Variants in CCDC88B observed in about 807,000 individuals in gnomAD.
CCDC88B encodes the protein coiled-coil and HOOK domain protein 88B, also known as coiled-coil domain-containing protein 88B.
In CCDC88B, 138 loss-of-function variants were observed where a neutral mutation model predicts 183.7. The observed-to-expected ratio is 0.75, with a 90% confidence interval of 0.65 to 0.87. The LOEUF (loss-of-function observed/expected upper bound fraction) is 0.87. Ranked by LOEUF, CCDC88B falls within the 40% of genes least tolerant of loss-of-function variation. The probability of loss-of-function intolerance (pLI) is 0.00; values close to 1 mark genes in which losing one functional copy is unlikely to be tolerated. For synonymous variants in CCDC88B, 835 were observed against 867.5 expected, an observed-to-expected ratio of 0.96 and a Z score of 0.66; for missense variants, 1,822 against 1,965.6, an observed-to-expected ratio of 0.93 and a Z score of 1.38.
chr11:64,348,941 A>G (rs1408641400), intron 14 of CCDC88B: 7 of 709,038 alleles, frequency 9.9e-6, no homozygotes, highest in South Asian at 9.0e-5. Context: ...CTCTCACCCG[A>G]CCCACCTCTG....
Position 64,344,984 on chromosome 11 carries a change from G to C in CCDC88B, c.2443G>C (p.Val815Leu), listed in dbSNP as rs1421737121. The change falls in exon 14 of 27, where the codon GTG becomes CTG. Residue 815 changes from valine (V) to leucine (L), a missense_variant. Coordinates refer to ENST00000356786, the MANE Select transcript of CCDC88B (RefSeq NM_032251.6). This position sits in a 1 kb window ranked among gnomAD's most constrained non-coding sequence, Gnocchi z 4.5. Reference sequence around the variant, plus strand: ...TGCGTCCCAGGAACGGGAGGCGCTGGTGGAGGCGCTGGCAGCAGCGGGCCG... The same window carrying C: ...TGCGTCCCAGGAACGGGAGGCGCTGCTGGAGGCGCTGGCAGCAGCGGGCCG... The part of the protein sequence containing the change: ...ESASQEREAL[V>L]EALAAAGRER... 1 of 1,548,306 alleles carries C rather than the reference G, an allele frequency of 6.5e-7. No individual in the cohort carries two copies. The highest frequency in any genetic ancestry group is 1.4e-5 in the African/African-American group (1 of 73,338).
chr11:64,342,771 G>C lies in CCDC88B; in HGVS notation c.1062+91G>C, dbSNP rs560540780. ...ATTGGGTCCCGAGGGCAGAGAGGCA[G>C]GTTCTCTGGAGGGGACAGTCACAGG... On this transcript the variant is annotated intron_variant, in intron 10 of 26. Transcript: ENST00000356786. 5.8e-6 allele frequency: 8 copies of C among 1,387,970 alleles called. No homozygotes were observed. The African/African-American group carries it at 8.9e-5, about 15-fold the overall frequency. 86.0% of individuals were successfully genotyped at this position (1,387,970 alleles called of 1,614,324 possible).
In CCDC88B at chr11:64,343,931, A is replaced by G; in HGVS notation, c.1455+17A>G. ...GGGGGCCAGGTAAGTCCCCTCCCCCAGGGTCCTGGCCGGCCCTTCCCCTAG... is the reference window on the plus strand; with the variant it reads ...GGGGGCCAGGTAAGTCCCCTCCCCCGGGGTCCTGGCCGGCCCTTCCCCTAG... On this transcript the variant is annotated intron_variant, in intron 13 of 26. Coordinates refer to ENST00000356786, the MANE Select transcript of CCDC88B (RefSeq NM_032251.6). 6.3e-7 allele frequency: 1 copy of G among 1,588,412 alleles called. No individual in the cohort carries two copies.
At chr11:64,348,808 G>A (rs994581220) in intron 14 of CCDC88B, 15 of 581,478 alleles carry the variant, frequency 2.6e-5, no homozygotes, top group African/African-American at 1.9e-4. Flanking sequence ...CAGCCCAACC[G>A]CCAAAGGCCA....
chr11:64,342,826 A>G, intron 10 of CCDC88B, 146 bp downstream of exon 10: 1 of 744,476 alleles, frequency 1.3e-6, no homozygotes, highest in African/African-American at 2.3e-5. Context: ...AAATTCAGGG[A>G]GGTGGCGTCT....
In CCDC88B at chr11:64,352,851, A is replaced by T; in HGVS notation, c.3464A>T (p.Glu1155Val). Residue 1155 changes from glutamate (E) to valine (V), a missense_variant, in exon 20 of 27, where the codon GAG (glutamate) becomes GTG (valine). Physicochemically the swap from Glu to Val is moderately radical, Grantham distance 121. Coordinates refer to ENST00000356786, the MANE Select transcript of CCDC88B (RefSeq NM_032251.6). ...GATGGGCATCGGCAGCGGGGCCTGGAGGAGGAGCTGCGGAGGCTTCAGAGC... is the reference window on the plus strand; with the variant it reads ...GATGGGCATCGGCAGCGGGGCCTGGTGGAGGAGCTGCGGAGGCTTCAGAGC... ...MQDGHRQRGL[E>V]EELRRLQSEH... The T allele has an allele frequency of 6.2e-7, 1 of 1,609,900 alleles. No individual in the cohort carries two copies. Among genetic ancestry groups the T allele is most frequent in the Non-Finnish European group, 8.5e-7 (1 of 1,178,788 alleles).
intron 19 of CCDC88B, 87 bp downstream of exon 19, chr11:64,352,473 G>A: frequency 6.9e-7 from 1 of 1,448,722 alleles, no homozygotes; most frequent in Non-Finnish European, 9.1e-7. Flanking sequence ...CTCCCCATCA[G>A]GAAGCACCTC....
rs1030980456 is a variant in CCDC88B, at chr11:64,353,491, G to A, written c.3828G>A (p.Glu1276=). ...ACCACCTGCACCGCGAACAGCGGGA[G>A]TACCTGTGAGTGGGCCGCCTGGGAG... ...SRDHLHREQR[E]YLDQLNALRR... Residue 1276 remains glutamate (E), a synonymous_variant, in exon 22 of 27, where the codon GAG becomes GAA. Coordinates refer to ENST00000356786, the MANE Select transcript of CCDC88B (RefSeq NM_032251.6). The A allele has an allele frequency of 1.9e-6, 3 of 1,610,962 alleles. No homozygotes were observed. The highest frequency in any genetic ancestry group is 2.5e-6 in the Non-Finnish European group (3 of 1,179,546).
In CCDC88B at chr11:64,357,284, C is replaced by G. The variant is rs1565063289; in HGVS notation, c.*190C>G. The G allele has an allele frequency of 2.6e-6, 2 of 756,230 alleles. No homozygotes were observed. The highest frequency in any genetic ancestry group is 4.8e-6 in the Non-Finnish European group (2 of 419,718). 46.8% of individuals were successfully genotyped at this position (756,230 alleles called of 1,614,324 possible). A position where few individuals can be genotyped will look rare whatever the true frequency, so the allele number is the denominator to read the frequency against. On this transcript the variant is annotated 3_prime_UTR_variant, in exon 27 of 27. Coordinates refer to ENST00000356786, the MANE Select transcript of CCDC88B (RefSeq NM_032251.6). ...GATGGAGCTGGGACGAGTGTGTGGA[C>G]AGGGGGGATGGCTGGCCCCCACGAG...
Position 64,341,311 on chromosome 11 carries a change from T to C in CCDC88B, c.430T>C (p.Leu144=). Residue 144 remains leucine, a synonymous_variant, in exon 5 of 27, where the codon TTG becomes CTG. Coordinates refer to ENST00000356786, the MANE Select transcript of CCDC88B (RefSeq NM_032251.6). ...EQLEGVLRLL[L]GASVQCEHRE... ...GCTGGAAGGCGTTCTTCGGCTACTG[T>C]TGGGAGCGTCAGTACAGGTGAGCCG... is the stretch of plus-strand genomic sequence containing the variant. 2 of 1,614,066 alleles carry C rather than the reference T, an allele frequency of 1.2e-6. No homozygotes were observed. Among genetic ancestry groups the C allele is most frequent in the Non-Finnish European group, 8.5e-7 (1 of 1,180,012 alleles).
At chr11:64,340,878 G>T (rs2035812367) in intron 2 of CCDC88B, 29 bp from the exon 3 acceptor site, 1 of 1,536,356 alleles carries the variant, frequency 6.5e-7, no homozygotes, top group Non-Finnish European at 8.8e-7. Flanking sequence ...GACGGGAGGC[G>T]GGTCCTCGAG....
At chr11:64,353,272 G>T (rs768166209) in intron 21 of CCDC88B, 32 bp downstream of exon 21, 1 of 1,569,878 alleles carries the variant, frequency 6.4e-7, no homozygotes, top group Non-Finnish European at 8.6e-7. Flanking sequence ...GGGTATGGGC[G>T]TGTGGTGGGG....
At chr11:64,356,726 A>AG (rs1308375762) in intron 26 of CCDC88B, 2 of 425,294 alleles carry the variant, frequency 4.7e-6, no homozygotes, top group African/African-American at 4.0e-5. Flanking sequence ...AAAGGAGAGC[A>AG]GGGGAGGGGT....
rs1450603800 is a variant in CCDC88B at position 64,345,010 on chromosome 11, G to T, written c.2469G>T (p.Arg823=). ...ALVEALAAAG[R]ERRQWEREGS... is the part of the protein sequence containing the mutation. Reference sequence around the variant, plus strand: ...TGGAGGCGCTGGCAGCAGCGGGCCGGGAGCGGAGGCAGTGGGAGCGTGAGG... The same window carrying T: ...TGGAGGCGCTGGCAGCAGCGGGCCGTGAGCGGAGGCAGTGGGAGCGTGAGG... The change falls in exon 14 of 27, where the codon CGG becomes CGT. Residue 823 remains arginine, a synonymous_variant. Coordinates refer to ENST00000356786, the MANE Select transcript of CCDC88B (RefSeq NM_032251.6). 1 of 1,547,054 alleles carries T rather than the reference G, an allele frequency of 6.5e-7. No homozygotes were observed.
chr11:64,342,775 C>T lies in CCDC88B; in HGVS notation c.1062+95C>T. The stretch of plus-strand genomic sequence containing the variant: ...GGTCCCGAGGGCAGAGAGGCAGGTT[C>T]TCTGGAGGGGACAGTCACAGGTGGA... On this transcript the variant is annotated intron_variant, in intron 10 of 26. Coordinates refer to ENST00000356786, the MANE Select transcript of CCDC88B (RefSeq NM_032251.6). 3.7e-6 allele frequency: 5 copies of T among 1,354,458 alleles called. No individual in the cohort carries two copies. In the South Asian group the frequency reaches 6.1e-5, roughly 16 times the overall value. 83.9% of individuals were successfully genotyped at this position (1,354,458 alleles called of 1,614,324 possible). A position where few individuals can be genotyped will look rare whatever the true frequency, so the allele number is the denominator to read the frequency against.
Position 64,344,134 on chromosome 11 carries a change from C to T in CCDC88B, c.1593C>T (p.Asp531=). The change falls in exon 14 of 27, where the codon GAC becomes GAT. Residue 531 remains aspartate (D), a synonymous_variant. Coordinates refer to ENST00000356786, the MANE Select transcript of CCDC88B (RefSeq NM_032251.6). This position sits in a 1 kb window ranked among gnomAD's most constrained non-coding sequence, Gnocchi z 4.5. ...GGGATGGAGGCCCCCAGGCCTTGGA[C>T]TTGGCTCCCCCGGCATTAGACTCAG... ...KARDGGPQAL[D]LAPPALDSVL... is the part of the protein sequence containing the mutation. 6.2e-7 allele frequency: 1 copy of T among 1,613,294 alleles called. No individual in the cohort carries two copies.
chr11:64,340,274 G>C lies in CCDC88B; in HGVS notation c.8G>C (p.Gly3Ala). The change falls in exon 1 of 27, where the codon GGG becomes GCG. Residue 3 changes from glycine (G) to alanine (A), a missense_variant. Transcript: ENST00000356786. ME[G>A]GKGPRLRDFL... Reference sequence around the variant, plus strand: ...GGGCACCCCGACCCGGGCATGGAGGGGGGCAAGGGGCCCAGGCTCAGAGAC... The same window carrying C: ...GGGCACCCCGACCCGGGCATGGAGGCGGGCAAGGGGCCCAGGCTCAGAGAC... 1 of 1,267,260 alleles carries C rather than the reference G, an allele frequency of 7.9e-7. No homozygotes were observed. The highest frequency in any genetic ancestry group is 1.0e-6 in the Non-Finnish European group (1 of 997,508). 78.5% of individuals were successfully genotyped at this position (1,267,260 alleles called of 1,614,324 possible). A position where few individuals can be genotyped will look rare whatever the true frequency, so the allele number is the denominator to read the frequency against.
rs369014117 is a variant in CCDC88B at position 64,343,747 on chromosome 11, G to A, written c.1319-31G>A. The stretch of plus-strand genomic sequence containing the variant: ...GTATGTGAGGAGCCAGGCAGTAAAG[G>A]AGGGGTCCTGACCTCATCTCTCATC... On this transcript the variant is annotated intron_variant, in intron 12 of 26. Transcript: ENST00000356786. The A allele has an allele frequency of 1.1e-4, 162 of 1,536,336 alleles. No homozygotes were observed. In the African/African-American group the frequency reaches 1.9e-3, roughly 18 times the overall value.
Position 64,351,199 on chromosome 11 carries a change from G to A in CCDC88B, c.2902G>A (p.Ala968Thr). ...CGCGGGGCTGGGGCCCAAAAAGCGT[G>A]CGGAGCCTCAGCTGGTGGAGACCCA... ...GPAGLGPKKRAEPQLVETQNV... is the reference protein window; with the variant it reads ...GPAGLGPKKRTEPQLVETQNV... The change falls in exon 17 of 27, where the codon GCG becomes ACG. Residue 968 changes from alanine to threonine, a missense_variant. Physicochemically the swap from Ala to Thr is moderately conservative, Grantham distance 58. Coordinates refer to ENST00000356786, the MANE Select transcript of CCDC88B (RefSeq NM_032251.6). 2 of 1,522,302 alleles carry A rather than the reference G, an allele frequency of 1.3e-6. No homozygotes were observed. The highest frequency in any genetic ancestry group is 1.8e-6 in the Non-Finnish European group (2 of 1,136,042). 94.3% of individuals were successfully genotyped at this position (1,522,302 alleles called of 1,614,324 possible).
Sources: gnomAD v4.1 joint callset for allele counts on GRCh38, gnomAD v4.1.1 for gene constraint, Gnocchi (gnomAD v3.1) non-coding constraint, MANE v1.5 for transcripts, NCBI Gene and HGNC (gene_info 2026-07-23, HGNC 2026-07-21) for gene names.